Variants in NBEA observed in about 807,000 individuals in gnomAD.
The protein encoded by NBEA is lysosomal-trafficking regulator 2.
NBEA carries 44 observed loss-of-function variants against 343.4 expected under a neutral mutation model. The observed-to-expected ratio is 0.13, with a 90% confidence interval of 0.10 to 0.16. NBEA has a LOEUF of 0.16. Ranked by LOEUF, NBEA falls within the 10% of genes least tolerant of loss-of-function variation. The pLI is 1.00. For synonymous variants in NBEA, 1,175 were observed against 1,238.7 expected, an observed-to-expected ratio of 0.95 and a Z score of 1.08; for missense variants, 2,555 against 3,631.3, an observed-to-expected ratio of 0.70 and a Z score of 7.62.
At chr13:35,362,352 A>T (rs962577800) in intron 38 of NBEA, among the ~76,000 whole-genome samples, 5 of 151,974 alleles carry the variant, frequency 3.3e-5, no homozygotes, top group East Asian at 1.9e-4. Context: ...ATGTGTGTGT[A>T]TGTGTATATG....
intron 34 of NBEA, among the ~76,000 whole-genome samples, chr13:35,271,033 C>T (rs1018896717): frequency 3.3e-5 from 5 of 152,254 alleles, no homozygotes; most frequent in African/African-American, 1.2e-4. Context: ...CGATAACGGA[C>T]AGACTGCCTC....
At chr13:35,338,737 A>G (rs1343261157) in intron 36 of NBEA, among the ~76,000 whole-genome samples, 3 of 152,074 alleles carry the variant, frequency 2.0e-5, no homozygotes, top group Admixed American at 1.3e-4. Flanking sequence ...ATGGATGCAA[A>G]AATCCTGAAC....
intron 38 of NBEA, among the ~76,000 whole-genome samples, chr13:35,366,622 A>G (rs6562929): frequency 0.29 from 43,600 of 150,292 alleles, 8,196 homozygotes; most frequent in African/African-American, 0.53. Flanking sequence ...TTTTAATTTT[A>G]TAATTATAAT....
At chr13:35,448,058 T>C (rs1160988122) in intron 39 of NBEA, among the ~76,000 whole-genome samples, 1 of 152,206 alleles carries the variant, frequency 6.6e-6, no homozygotes, top group Non-Finnish European at 1.5e-5. Context: ...TGCAGTACCA[T>C]GAAATCAGGA....
intron 51 of NBEA, among the ~76,000 whole-genome samples, chr13:35,648,321 G>A (rs2084348024): frequency 6.6e-6 from 1 of 150,636 alleles, no homozygotes; most frequent in Non-Finnish European, 1.5e-5. Context: ...TTTGCACCAA[G>A]CTCAGGCTGT....
At chr13:35,628,058 A>G (rs1226298949) in intron 48 of NBEA, 23 bp from the exon 49 acceptor site, 2 of 1,592,392 alleles carry the variant, frequency 1.3e-6, no homozygotes. Context: ...ATGGTCTCTC[A>G]TTTCTTTCTT....
At chr13:35,057,510 T>A (rs527287821) in intron 7 of NBEA, among the ~76,000 whole-genome samples, 1 of 152,288 alleles carries the variant, frequency 6.6e-6, no homozygotes, top group Admixed American at 6.6e-5. Flanking sequence ...AGGCAAAGTT[T>A]AAAATATCTT....
intron 41 of NBEA, among the ~76,000 whole-genome samples, chr13:35,480,626 T>TGCC: frequency 6.6e-6 from 1 of 152,072 alleles, no homozygotes; most frequent in South Asian, 2.1e-4. Flanking sequence ...TCCCTACTGC[T>TGCC]GGAGTGGCTT....
chr13:34,966,057 A>ATG (rs1014575086), intron 1 of NBEA, among the ~76,000 whole-genome samples: 20 of 152,066 alleles, frequency 1.3e-4, no homozygotes, highest in African/African-American at 4.8e-4. Flanking sequence ...ATATGAAAAA[A>ATG]TGTTTATTGG....
rs1456278324 is a variant in NBEA, at chr13:35,583,893, A to T, written c.7036-5A>T. On this transcript the variant is annotated splice_polypyrimidine_tract_variant and splice_region_variant and intron_variant, in intron 45 of 58. Transcript: ENST00000379939. ...TTAAACAAAATATTTTTTTTCTTTT[A>T]ATAGCCAATTGGTGCTTTGAACCCC... 3.1e-6 allele frequency: 5 copies of T among 1,598,868 alleles called. No individual in the cohort carries two copies. The highest frequency in any genetic ancestry group is 3.6e-5 in the Admixed American group (2 of 55,392).
chr13:35,668,560 C>T (rs760545592), intron 58 of NBEA, 41 bp downstream of exon 58: 11 of 1,511,118 alleles, frequency 7.3e-6, no homozygotes, highest in Middle Eastern at 3.6e-4. Flanking sequence ...TGAGAACTGT[C>T]ATTGAAGGCT....
In NBEA at chr13:35,410,525, G is replaced by A. The variant is rs145325267; in HGVS notation, c.6180-21744G>A. 7.4e-3 allele frequency among the ~76,000 whole-genome samples: 1,122 copies of A among 152,216 alleles called. 39 individuals are homozygous for A. The highest frequency in any genetic ancestry group is 0.06 in the Admixed American group (919 of 15,256). On this transcript the variant is annotated intron_variant, in intron 38 of 58. Transcript: ENST00000379939. ...GGCTTAAGATATATATCAGATGTAA[G>A]AGGGGACTTCAAAAGGTTCACAGAA...
At chr13:35,254,523 T>C (rs995252808) in intron 34 of NBEA, among the ~76,000 whole-genome samples, 2 of 151,928 alleles carry the variant, frequency 1.3e-5, no homozygotes, top group African/African-American at 4.8e-5. Context: ...GGTCTCCCTA[T>C]GTTATCAAAG....
intron 5 of NBEA, 137 bp from the exon 6 acceptor site, chr13:35,050,132 G>T: frequency 1.7e-6 from 1 of 573,456 alleles, no homozygotes; most frequent in Non-Finnish European, 2.7e-6. Flanking sequence ...TTTTTGTTTA[G>T]TTTTTATTTG....
chr13:35,348,855 A>G (rs1345039608), intron 36 of NBEA, among the ~76,000 whole-genome samples: 1 of 152,060 alleles, frequency 6.6e-6, no homozygotes, highest in East Asian at 1.9e-4. Flanking sequence ...TTTTTGAGGA[A>G]CCTATCTTAA....
At chr13:35,520,363 A>G (rs2077653825) in intron 41 of NBEA, among the ~76,000 whole-genome samples, 1 of 152,250 alleles carries the variant, frequency 6.6e-6, no homozygotes, top group East Asian at 1.9e-4. Context: ...TATAGTCACC[A>G]TGTATAATAA....
At chr13:35,515,927 T>C (rs1209868550) in intron 41 of NBEA, among the ~76,000 whole-genome samples, 1 of 152,192 alleles carries the variant, frequency 6.6e-6, no homozygotes, top group Non-Finnish European at 1.5e-5. Context: ...AAGATGCAAT[T>C]ATAACATAGC....
intron 34 of NBEA, among the ~76,000 whole-genome samples, chr13:35,248,347 G>T (rs190942607): frequency 8.5e-5 from 13 of 152,166 alleles, no homozygotes; most frequent in East Asian, 5.8e-4. Flanking sequence ...ATGAAGAAAA[G>T]AATTACATAG....
At chr13:35,133,756 G>C (rs1418699958) in intron 17 of NBEA, among the ~76,000 whole-genome samples, 1 of 151,976 alleles carries the variant, frequency 6.6e-6, no homozygotes, top group Non-Finnish European at 1.5e-5. Context: ...ATTGTAAATT[G>C]CGTATGAATA....
Sources: gnomAD v4.1 joint callset for allele counts (sites outside exome capture counted in the v4.1 genomes callset) on GRCh38, gnomAD v4.1.1 for gene constraint, MANE v1.5 for transcripts, NCBI Gene and HGNC (gene_info 2026-07-23, HGNC 2026-07-21) for gene names.